RAB38: variants seen among roughly 807,000 people sequenced by gnomAD.
RAB38 encodes RAB38, member RAS oncogene family.
Under a neutral mutation model 18.4 loss-of-function variants are expected in RAB38, and 15 were observed. The ratio of observed to expected loss-of-function variants is 0.82; its 90% CI spans 0.55 to 1.26. The LOEUF is 1.26. Among genes scored for constraint, RAB38 ranks in the 50% most tolerant of loss-of-function variants. The probability of loss-of-function intolerance (pLI) is 0.00; values close to 1 mark genes in which losing one functional copy is unlikely to be tolerated. For missense variants in RAB38, 294 were observed against 267.4 expected, an observed-to-expected ratio of 1.10 and a Z score of -0.69; for synonymous variants, 101 against 104.4, an observed-to-expected ratio of 0.97 and a Z score of 0.20.
chr11:88,086,644 T>C, the RAB38 span, among the ~76,000 whole-genome samples: 1 of 151,918 alleles, frequency 6.6e-6, no homozygotes, highest in Non-Finnish European at 1.5e-5. Context: ...ATTCTGTGTT[T>C]GAACTCCCTC....
chr11:87,840,232 T>C, the RAB38 span, among the ~76,000 whole-genome samples: 2 of 152,180 alleles, frequency 1.3e-5, no homozygotes, highest in Non-Finnish European at 1.5e-5. Flanking sequence ...CACTGCCAGA[T>C]GGCTTACTGA....
the RAB38 span, among the ~76,000 whole-genome samples, chr11:87,819,876 A>G: frequency 2.0e-5 from 3 of 151,654 alleles, no homozygotes; most frequent in Non-Finnish European, 2.9e-5. Context: ...GAGAAGCTCT[A>G]AGCCTATTAA....
the RAB38 span, among the ~76,000 whole-genome samples, chr11:88,080,964 A>G: frequency 6.6e-6 from 1 of 151,980 alleles, no homozygotes; most frequent in African/African-American, 2.4e-5. Context: ...CAACATACTT[A>G]CAACTCAATA....
the RAB38 span, among the ~76,000 whole-genome samples, chr11:87,977,626 GTATAT>G: frequency 8.7e-6 from 1 of 115,242 alleles, no homozygotes; most frequent in Non-Finnish European, 1.6e-5. Context: ...TTATGTAATT[GTATAT>G]TATATAATTA....
chr11:88,053,595 T>C, the RAB38 span, among the ~76,000 whole-genome samples: 1 of 151,384 alleles, frequency 6.6e-6, no homozygotes, highest in Admixed American at 6.6e-5. Context: ...GATGCATTTA[T>C]AAAAACCAAT....
the RAB38 span, among the ~76,000 whole-genome samples, chr11:87,805,134 T>C: frequency 6.6e-6 from 1 of 152,188 alleles, no homozygotes; most frequent in Non-Finnish European, 1.5e-5. Flanking sequence ...GCCTAAATGG[T>C]GTTAAAAGGG....
intron 2 of RAB38, among the ~76,000 whole-genome samples, chr11:88,121,848 T>A (rs112371793): frequency 6.6e-6 from 1 of 151,654 alleles, no homozygotes; most frequent in Non-Finnish European, 1.5e-5. Flanking sequence ...AGGCGTGAGC[T>A]GCCGCGCCGG....
the RAB38 span, among the ~76,000 whole-genome samples, chr11:87,826,577 A>G: frequency 1.3e-5 from 2 of 152,186 alleles, no homozygotes; most frequent in South Asian, 4.1e-4. Flanking sequence ...TTAACATATA[A>G]TAATAAAATG....
At chr11:87,961,745 T>C in the RAB38 span, among the ~76,000 whole-genome samples, 443 of 152,270 alleles carry the variant, frequency 2.9e-3, 2 homozygotes, top group African/African-American at 0.01. Flanking sequence ...AGAAGCACTG[T>C]TGGGTAGCCA....
At chr11:87,859,887 G>A in the RAB38 span, among the ~76,000 whole-genome samples, 1 of 152,054 alleles carries the variant, frequency 6.6e-6, no homozygotes, top group African/African-American at 2.4e-5. Flanking sequence ...CTTACAGTCA[G>A]CAGAAAATAT....
At chr11:87,807,439 C>T in the RAB38 span, among the ~76,000 whole-genome samples, 1 of 152,164 alleles carries the variant, frequency 6.6e-6, no homozygotes, top group Admixed American at 6.6e-5. Context: ...TTCTTTATGG[C>T]TGGAAAAAGC....
At chr11:87,821,822 C>A in the RAB38 span, among the ~76,000 whole-genome samples, 2 of 149,460 alleles carry the variant, frequency 1.3e-5, no homozygotes, top group East Asian at 3.9e-4. Context: ...CTTCACTCCA[C>A]CCTGGGCGAA....
chr11:87,861,171 A>G, the RAB38 span, among the ~76,000 whole-genome samples: 226 of 152,046 alleles, frequency 1.5e-3, no homozygotes, highest in African/African-American at 4.9e-3. Context: ...TTTGCATGGA[A>G]AAAGGCCATC....
chr11:88,032,382 G>A, the RAB38 span, among the ~76,000 whole-genome samples: 2,804 of 152,244 alleles, frequency 0.018, 100 homozygotes, highest in East Asian at 0.15. Flanking sequence ...TGACAAATGG[G>A]ATCTAATTAA....
At chr11:87,975,546 T>G in the RAB38 span, among the ~76,000 whole-genome samples, 1 of 151,886 alleles carries the variant, frequency 6.6e-6, no homozygotes, top group Non-Finnish European at 1.5e-5. Flanking sequence ...TGCAAGACTA[T>G]GTATGTTTTT....
At chr11:88,003,502 AATAGATTGTATATATTATATATTG>A in the RAB38 span, among the ~76,000 whole-genome samples, 2 of 68,604 alleles carry the variant, frequency 2.9e-5, 1 homozygote, top group Admixed American at 3.4e-4. Flanking sequence ...TATATTGTAT[AATAGATTGTATATATTATATATTG>A]TATAATAGAT....
the RAB38 span, among the ~76,000 whole-genome samples, chr11:87,974,776 T>C: frequency 2.0e-5 from 3 of 150,652 alleles, no homozygotes; most frequent in East Asian, 1.9e-4. Context: ...TACAGCTGTC[T>C]CAAATCAGAA....
At chr11:87,922,024 CT>C in the RAB38 span, among the ~76,000 whole-genome samples, 11 of 151,968 alleles carry the variant, frequency 7.2e-5, no homozygotes, top group Non-Finnish European at 1.5e-4. Context: ...CACCTGTACC[CT>C]TTGTTCTGAA....
the RAB38 span, among the ~76,000 whole-genome samples, chr11:87,848,627 G>A: frequency 1.3e-4 from 20 of 152,066 alleles, no homozygotes; most frequent in African/African-American, 4.8e-4. Flanking sequence ...ATTTAAAGAT[G>A]TCTTTCTTCT....
Sources: allele counts gnomAD v4.1 joint callset (sites outside exome capture counted in the v4.1 genomes callset), GRCh38; gene constraint gnomAD v4.1.1; transcripts MANE v1.5; gene names NCBI Gene and HGNC (gene_info 2026-07-23, HGNC 2026-07-21).